The following RASAL2 variants were observed in gnomAD, a reference collection of about 807,000 sequenced individuals.
RASAL2 encodes the protein ras GTPase-activating protein nGAP.
A neutral mutation model predicts 128.9 loss-of-function variants in RASAL2; 58 were observed. That is an observed-to-expected ratio of 0.45 (90% CI 0.36 to 0.56). The LOEUF is 0.56. Ranked by LOEUF, RASAL2 falls within the 20% of genes least tolerant of loss-of-function variation. RASAL2 has a pLI of 0.00. For synonymous variants in RASAL2, 561 were observed against 580.8 expected (o/e 0.97, Z 0.49); for missense variants, 1,360 against 1,601.6 (o/e 0.85, Z 2.57).
At chr1:178,224,054 T>A (rs1663706791) in intron 1 of RASAL2, among the ~76,000 whole-genome samples, 1 of 152,076 alleles carries the variant, frequency 6.6e-6, no homozygotes, top group Admixed American at 6.6e-5. Context: ...GAACTGGAGA[T>A]ATAAGTAGAT....
intron 1 of RASAL2, among the ~76,000 whole-genome samples, chr1:178,162,222 C>T (rs1661330922): frequency 6.9e-6 from 1 of 145,846 alleles, no homozygotes; most frequent in Admixed American, 7.1e-5. Context: ...GCGTCGGCCT[C>T]CCAGAGTGCT....
At chr1:178,192,341 TTAAC>T (rs1156425615) in intron 1 of RASAL2, among the ~76,000 whole-genome samples, 1 of 152,138 alleles carries the variant, frequency 6.6e-6, no homozygotes, top group African/African-American at 2.4e-5. Context: ...ATGCATGAAA[TTAAC>T]TAAAAGACAA....
In RASAL2 at chr1:178,333,722, T is replaced by C. The variant is rs111908086; in HGVS notation, c.457+33604T>C. ...CTGTTGAAGATAAGTTACAAAATAG[T>C]GTATAATCATAATAGTAAATAATCA... On this transcript the variant is annotated intron_variant, in intron 3 of 17. Transcript: ENST00000367649. Among the ~76,000 whole-genome samples, 631 of 152,360 alleles carry C rather than the reference T, an allele frequency of 4.1e-3. 3 individuals carry two copies. Among genetic ancestry groups the C allele is most frequent in the African/African-American group, 0.014 (576 of 41,596 alleles).
intron 1 of RASAL2, among the ~76,000 whole-genome samples, chr1:178,258,993 C>T (rs543005231): frequency 9.9e-5 from 15 of 151,996 alleles, no homozygotes; most frequent in East Asian, 3.9e-4. Context: ...AGTGAAAGAC[C>T]ACACATATTA....
chr1:178,179,540 G>A (rs1662015987), intron 1 of RASAL2, among the ~76,000 whole-genome samples: 1 of 152,148 alleles, frequency 6.6e-6, no homozygotes, highest in Non-Finnish European at 1.5e-5. Flanking sequence ...CAAAGTTGAG[G>A]GAGGAAGAAA....
At chr1:178,419,441 AT>A (rs1294020810) in intron 4 of RASAL2, among the ~76,000 whole-genome samples, 79 of 151,516 alleles carry the variant, frequency 5.2e-4, no homozygotes, top group African/African-American at 1.9e-3. Flanking sequence ...GGCTGGCTAA[AT>A]TTTTTATTTT....
At chr1:178,433,534 A>C (rs761732134) in intron 5 of RASAL2, among the ~76,000 whole-genome samples, 1 of 152,076 alleles carries the variant, frequency 6.6e-6, no homozygotes, top group African/African-American at 2.4e-5. Flanking sequence ...TTGGTTAGAT[A>C]GATGGATTCA....
intron 8 of RASAL2, among the ~76,000 whole-genome samples, chr1:178,444,193 T>G (rs928792096): frequency 6.6e-6 from 1 of 152,156 alleles, no homozygotes; most frequent in African/African-American, 2.4e-5. Context: ...AGGTTCAGAA[T>G]ATACATTAAG....
intron 1 of RASAL2, among the ~76,000 whole-genome samples, chr1:178,199,017 T>A (rs2101962846): frequency 6.6e-6 from 1 of 152,322 alleles, no homozygotes; most frequent in Admixed American, 6.5e-5. Context: ...ACTCAAGTAA[T>A]GGTGGACACC....
rs71108046 is a variant in RASAL2, at chr1:178,395,791, ATT to A, written c.564+5587_564+5588del. The stretch of plus-strand genomic sequence containing the variant: ...GAACAGTATATATATATATATATAT[ATT>A]TATTTATTCATATGTGTATGAATGT... On this transcript the variant is annotated intron_variant, in intron 4 of 17. Coordinates refer to ENST00000367649, the MANE Select transcript of RASAL2 (RefSeq NM_170692.4). Among the ~76,000 whole-genome samples the A allele has an allele frequency of 5.3e-4, 71 of 134,242 alleles. 3 individuals are homozygous for A. The highest frequency in any genetic ancestry group is 3.8e-3 in the Middle Eastern group (1 of 260). 88.1% of individuals were successfully genotyped at this position (134,242 alleles called of 152,430 possible).
chr1:178,177,299 A>G (rs951074598), intron 1 of RASAL2, among the ~76,000 whole-genome samples: 2 of 152,114 alleles, frequency 1.3e-5, no homozygotes, highest in Admixed American at 6.6e-5. Context: ...CTTGAATTGC[A>G]TCTGATGTTG....
At chr1:178,173,057 G>A (rs762286312) in intron 1 of RASAL2, among the ~76,000 whole-genome samples, 4 of 152,174 alleles carry the variant, frequency 2.6e-5, no homozygotes, top group Middle Eastern at 3.4e-3. Context: ...GTGGTTGGAC[G>A]TTTGTCACTT....
At chr1:178,198,507 A>T (rs1270268043) in intron 1 of RASAL2, among the ~76,000 whole-genome samples, 2 of 152,056 alleles carry the variant, frequency 1.3e-5, no homozygotes, top group Admixed American at 1.3e-4. Flanking sequence ...GTTGATGTTG[A>T]TGCTATTCCT....
At chr1:178,220,077 T>C (rs1373536911) in intron 1 of RASAL2, among the ~76,000 whole-genome samples, 1 of 152,180 alleles carries the variant, frequency 6.6e-6, no homozygotes, top group Non-Finnish European at 1.5e-5. Context: ...GTGATATGCC[T>C]GCTCCCCCTT....
At chr1:178,471,671 G>A (rs1235496634) in intron 17 of RASAL2, among the ~76,000 whole-genome samples, 2 of 151,818 alleles carry the variant, frequency 1.3e-5, no homozygotes, top group Admixed American at 6.6e-5. Context: ...GCTGCCTTAC[G>A]GATCCTACCC....
chr1:178,193,488 A>G (rs1003631876), intron 1 of RASAL2, among the ~76,000 whole-genome samples: 1 of 152,154 alleles, frequency 6.6e-6, no homozygotes, highest in African/African-American at 2.4e-5. Flanking sequence ...AACTGAGGAC[A>G]TGATTTTATG....
intron 5 of RASAL2, among the ~76,000 whole-genome samples, chr1:178,434,412 A>T (rs1676122508): frequency 1.3e-5 from 2 of 152,138 alleles, no homozygotes; most frequent in Non-Finnish European, 2.9e-5. Flanking sequence ...GTCTATGCTG[A>T]TACATTTCTT....
chr1:178,160,574 G>T (rs1195963527), intron 1 of RASAL2, among the ~76,000 whole-genome samples: 1 of 152,208 alleles, frequency 6.6e-6, no homozygotes, highest in African/African-American at 2.4e-5. Context: ...GGCGGAGGTT[G>T]CAGTGAGCCG....
intron 1 of RASAL2, among the ~76,000 whole-genome samples, chr1:178,146,695 T>G (rs1660741677): frequency 6.6e-6 from 1 of 152,240 alleles, no homozygotes; most frequent in Non-Finnish European, 1.5e-5. Context: ...AATAATGAAT[T>G]AACATGTAGG....
Sources: allele counts gnomAD v4.1 joint callset (sites outside exome capture counted in the v4.1 genomes callset), GRCh38; gene constraint gnomAD v4.1.1; transcripts MANE v1.5; gene names NCBI Gene and HGNC (gene_info 2026-07-23, HGNC 2026-07-21).